Variants in GAS2L3 observed in about 807,000 individuals in gnomAD.
GAS2L3 encodes GAS2-like protein 3.
GAS2L3 carries 28 observed loss-of-function variants against 37.0 expected under a neutral mutation model. The observed-to-expected ratio is 0.76, with a 90% CI of 0.56 to 1.04. GAS2L3 has a LOEUF of 1.04. Ranked by LOEUF, GAS2L3 falls within the 50% of genes least tolerant of loss-of-function variation. The probability of loss-of-function intolerance (pLI) is 0.00; values close to 1 mark genes in which losing one functional copy is unlikely to be tolerated. For synonymous variants in GAS2L3, 290 were observed against 296.6 expected (o/e 0.98, Z 0.23); for missense variants, 793 against 817.6 (o/e 0.97, Z 0.37).
chr12:100,609,842 A>C (rs1212967583), intron 5 of GAS2L3, among the ~76,000 whole-genome samples: 1 of 152,134 alleles, frequency 6.6e-6, no homozygotes, highest in African/African-American at 2.4e-5. Context: ...CAGTGAGTTC[A>C]ATGTAAAGCC....
At chr12:100,613,233 A>G (rs1028970861) in intron 6 of GAS2L3, among the ~76,000 whole-genome samples, 3 of 152,206 alleles carry the variant, frequency 2.0e-5, no homozygotes, top group Non-Finnish European at 2.9e-5. Context: ...AGTAGAAGGC[A>G]TCTTCTCACT....
chr12:100,585,533 C>T (rs868062000), intron 1 of GAS2L3, among the ~76,000 whole-genome samples: 2 of 151,952 alleles, frequency 1.3e-5, no homozygotes, highest in Non-Finnish European at 2.9e-5. Context: ...AGATTACAGG[C>T]GTGAGCCACC....
chr12:100,624,448 C>T lies in GAS2L3; in HGVS notation c.1643C>T (p.Pro548Leu), dbSNP rs1462207435. Residue 548 changes from proline (P) to leucine (L), a missense_variant, in exon 10 of 10, where the codon CCA becomes CTA. Transcript: ENST00000547754. ...QPSDGAPQAK[P>L]VPAQKLKSAL... ...TCCGATGGAGCCCCACAAGCAAAGC[C>T]AGTCCCAGCACAGAAACTTAAATCG... The T allele has an allele frequency of 2.5e-6, 4 of 1,613,922 alleles. No homozygotes were observed. Among genetic ancestry groups the T allele is most frequent in the Non-Finnish European group, 3.4e-6 (4 of 1,180,030 alleles).
At chr12:100,616,500 A>G (rs1956189165) in intron 6 of GAS2L3, among the ~76,000 whole-genome samples, 1 of 151,976 alleles carries the variant, frequency 6.6e-6, no homozygotes, top group Admixed American at 6.6e-5. Flanking sequence ...TAATGGCACG[A>G]TAATAGCTCA....
At chr12:100,598,440 C>T (rs2136455674) in intron 3 of GAS2L3, among the ~76,000 whole-genome samples, 1 of 152,250 alleles carries the variant, frequency 6.6e-6, no homozygotes, top group South Asian at 2.1e-4. Flanking sequence ...GAATTTTTAT[C>T]ATTGCCTCCT....
intron 2 of GAS2L3, among the ~76,000 whole-genome samples, chr12:100,592,150 CT>C (rs1293012389): frequency 2.6e-5 from 4 of 152,112 alleles, no homozygotes; most frequent in Admixed American, 1.3e-4. Flanking sequence ...TTGAAAGGCC[CT>C]TGTGCATTCC....
rs370050719 is a variant in GAS2L3 at position 100,624,651 on chromosome 12, G to A, written c.1846G>A (p.Val616Met). Residue 616 changes from valine (V) to methionine (M), a missense_variant, in exon 10 of 10, where the codon GTG becomes ATG. By Grantham distance (21) the Val-to-Met change is conservative. Transcript: ENST00000547754. ...TCCTGGCCGTACCCCACTGTCCATC[G>A]TGAGCCTACCCCAGTCTTCTACCAA... ...KSPGRTPLSI[V>M]SLPQSSTKTQ... 4.6e-5 allele frequency: 74 copies of A among 1,613,936 alleles called. No homozygotes were observed. The highest frequency in any genetic ancestry group is 1.6e-4 in the Middle Eastern group (1 of 6,084).
chr12:100,601,687 A>T lies in GAS2L3; in HGVS notation c.237A>T (p.Val79=), dbSNP rs1233657116. 1 of 1,602,972 alleles carries T rather than the reference A, an allele frequency of 6.2e-7. No homozygotes were observed. The change falls in exon 5 of 10, where the codon GTA becomes GTT. Residue 79 remains valine, a synonymous_variant. Transcript: ENST00000547754. ...EKLLEELDNG[V]LLCQLIDVLQ... is the part of the protein sequence containing the mutation. ...TATTGGAAGAACTTGATAATGGAGT[A>T]CTATTATGTCAACTGATTGATGTTC...
intron 5 of GAS2L3, among the ~76,000 whole-genome samples, chr12:100,603,227 C>T (rs1000606224): frequency 2.6e-5 from 4 of 152,142 alleles, no homozygotes; most frequent in Admixed American, 6.6e-5. Flanking sequence ...AACTGTTCTC[C>T]ACAGTGGCTG....
At chr12:100,580,409 A>C (rs1955695905) in intron 1 of GAS2L3, among the ~76,000 whole-genome samples, 1 of 152,176 alleles carries the variant, frequency 6.6e-6, no homozygotes, top group African/African-American at 2.4e-5. Flanking sequence ...ACTTATTTAA[A>C]ATTTAGAAGA....
chr12:100,579,247 C>G, intron 1 of GAS2L3: 1 of 605,894 alleles, frequency 1.7e-6, no homozygotes, highest in South Asian at 1.9e-5. Flanking sequence ...TGCTTACAAA[C>G]AAACTTCTAA....
intron 3 of GAS2L3, among the ~76,000 whole-genome samples, chr12:100,596,883 A>G (rs571712565): frequency 3.4e-4 from 52 of 152,202 alleles, no homozygotes; most frequent in African/African-American, 1.2e-3. Flanking sequence ...ACCTAAGTTA[A>G]TCTGTAGAGT....
chr12:100,603,452 A>T (rs1266699751), intron 5 of GAS2L3, among the ~76,000 whole-genome samples: 1 of 152,172 alleles, frequency 6.6e-6, no homozygotes, highest in Non-Finnish European at 1.5e-5. Context: ...AGAAATGTCT[A>T]TTCAAATCTT....
At position 100,624,552 on chromosome 12, in the gene GAS2L3, A is replaced by G; in HGVS notation, c.1747A>G (p.Ile583Val). The change falls in exon 10 of 10, where the codon ATA becomes GTA. Residue 583 changes from isoleucine to valine, a missense_variant. Ile to Val is a conservative substitution (Grantham distance 29, BLOSUM62 3). Transcript: ENST00000547754. ...KATQKSKDKN[I>V]VSATKKQPQN... is the part of the protein sequence containing the mutation. Reference sequence around the variant, plus strand: ...CACACAGAAATCAAAAGATAAGAATATAGTTTCAGCTACCAAAAAGCAGCC... The same window carrying G: ...CACACAGAAATCAAAAGATAAGAATGTAGTTTCAGCTACCAAAAAGCAGCC... 6.2e-6 allele frequency: 10 copies of G among 1,614,086 alleles called. No individual in the cohort carries two copies. Among genetic ancestry groups the G allele is most frequent in the Non-Finnish European group, 8.5e-6 (10 of 1,180,016 alleles).
At chr12:100,578,706 T>C in intron 1 of GAS2L3, 1 of 421,268 alleles carries the variant, frequency 2.4e-6, no homozygotes. Context: ...ATCTCTTAAC[T>C]GGGTTGCTCT....
At chr12:100,615,995 C>A (rs889576218) in intron 6 of GAS2L3, among the ~76,000 whole-genome samples, 1 of 151,832 alleles carries the variant, frequency 6.6e-6, no homozygotes, top group Non-Finnish European at 1.5e-5. Flanking sequence ...CTAATTTGAT[C>A]ATCAGCTTTT....
At chr12:100,612,977 C>T (rs908603683) in intron 6 of GAS2L3, among the ~76,000 whole-genome samples, 7 of 152,194 alleles carry the variant, frequency 4.6e-5, no homozygotes, top group Non-Finnish European at 5.9e-5. Context: ...ACAGGGTAAG[C>T]GGCCTCCTGT....
At position 100,612,072 on chromosome 12, in the gene GAS2L3, G is replaced by T. The variant is rs143611209; in HGVS notation, c.376G>T (p.Ala126Ser). 1.2e-5 allele frequency: 20 copies of T among 1,609,844 alleles called. No individual in the cohort carries two copies. The highest frequency in any genetic ancestry group is 1.7e-5 in the Admixed American group (1 of 59,986). ...SGSFFARDNT[A>S]NFLHWCRDIG... Reference sequence around the variant, plus strand: ...TTCATTCTTTGCTCGGGACAATACCGCAAACTTCCTTCACTGGTGTAGGGA... The same window carrying T: ...TTCATTCTTTGCTCGGGACAATACCTCAAACTTCCTTCACTGGTGTAGGGA... The change falls in exon 6 of 10, where the codon GCA (alanine) becomes TCA (serine). Residue 126 changes from alanine (A) to serine (S), a missense_variant. Ala to Ser is a moderately conservative substitution (Grantham distance 99). Transcript: ENST00000547754.
chr12:100,598,695 A>G (rs927045387), intron 3 of GAS2L3, among the ~76,000 whole-genome samples: 4 of 152,154 alleles, frequency 2.6e-5, no homozygotes, highest in East Asian at 3.8e-4. Context: ...ATCCATTCCT[A>G]TCATTTATCT....
Sources: gnomAD v4.1 joint callset for allele counts (sites outside exome capture counted in the v4.1 genomes callset) on GRCh38, gnomAD v4.1.1 for gene constraint, MANE v1.5 for transcripts, NCBI Gene and HGNC (gene_info 2026-07-23, HGNC 2026-07-21) for gene names.